The following ZNF771 variants were observed in gnomAD, a reference collection of about 807,000 sequenced individuals.
ZNF771 encodes the protein mesenchymal stem cell protein DSC43.
ZNF771 carries 10 observed loss-of-function variants against 27.6 expected under a neutral mutation model. That is an observed-to-expected ratio of 0.36 (90% CI 0.22 to 0.61). The LOEUF (loss-of-function observed/expected upper bound fraction) is 0.61, where lower values mean the gene tolerates loss of function less well. Ranked by LOEUF, ZNF771 falls within the 20% of genes least tolerant of loss-of-function variation. The probability of loss-of-function intolerance (pLI) is 0.70; values close to 1 mark genes in which losing one functional copy is unlikely to be tolerated. For missense variants in ZNF771, 438 were observed against 503.7 expected, an observed-to-expected ratio of 0.87 and a Z score of 1.25; for synonymous variants, 261 against 225.2, an observed-to-expected ratio of 1.16 and a Z score of -1.43.
At chr16:30,416,018 C>T (rs1317053921) in intron 2 of ZNF771, among the ~76,000 whole-genome samples, 1 of 152,192 alleles carries the variant, frequency 6.6e-6, no homozygotes, top group Non-Finnish European at 1.5e-5. Flanking sequence ...GAAACTGGCT[C>T]ATTTTCAGAT....
In ZNF771 at chr16:30,417,855, G is replaced by A; in HGVS notation, c.442G>A (p.Ala148Thr). The change falls in exon 3 of 3, where the codon GCA becomes ACA. Residue 148 changes from alanine to threonine, a missense_variant. Around this residue, in one of 3 missense-constraint regions of ZNF771, gnomAD observed 305 missense variants for 308.0 expected, o/e 0.99. Coordinates refer to ENST00000319296, the MANE Select transcript of ZNF771 (RefSeq NM_001142305.2). ...RRRHTGEKPY[A>T]CAHCGRRFAQ... is the part of the protein sequence containing the mutation. ...GCGGCACACGGGCGAGAAGCCGTAC[G>A]CATGCGCGCACTGCGGCCGCCGCTT... 1.5e-5 allele frequency: 22 copies of A among 1,502,286 alleles called. No individual in the cohort carries two copies. Among genetic ancestry groups the A allele is most frequent in the Non-Finnish European group, 1.9e-5 (22 of 1,134,818 alleles). 93.1% of individuals were successfully genotyped at this position (1,502,286 alleles called of 1,614,324 possible). A position where few individuals can be genotyped will look rare whatever the true frequency, so the allele number is the denominator to read the frequency against.
In ZNF771 at chr16:30,417,821, G is replaced by C; in HGVS notation, c.408G>C (p.Gln136His). 3 of 1,497,454 alleles carry C rather than the reference G, an allele frequency of 2.0e-6. No homozygotes were observed. The highest frequency in any genetic ancestry group is 2.7e-6 in the Non-Finnish European group (3 of 1,131,444). The allele number at this position is 1,497,454 out of a possible 1,614,324, so 92.8% of individuals were successfully genotyped here. A position where few individuals can be genotyped will look rare whatever the true frequency, so the allele number is the denominator to read the frequency against. Residue 136 changes from glutamine to histidine, a missense_variant, in exon 3 of 3, where the codon CAG becomes CAC. Gln to His is a conservative substitution (Grantham distance 24). Coordinates refer to ENST00000319296, the MANE Select transcript of ZNF771 (RefSeq NM_001142305.2). ...KRFSAASNLRQHRRRHTGEKP... is the reference protein window; with the variant it reads ...KRFSAASNLRHHRRRHTGEKP... ...TCTCGGCCGCCTCGAACCTGCGGCA[G>C]CACCGGCGGCGGCACACGGGCGAGA...
rs182969887 is a variant in ZNF771, at chr16:30,412,110, G to A, written c.141+3916G>A. ...CATGCCATTCTGGCTTCATCCCCTC[G>A]ACACCTATCCCATCCCCCCTTGTGG... On this transcript the variant is annotated intron_variant, in intron 2 of 2. Transcript: ENST00000319296. 1.1e-3 allele frequency among the ~76,000 whole-genome samples: 168 copies of A among 152,068 alleles called. 1 individual carries two copies. Among genetic ancestry groups the A allele is most frequent in the African/African-American group, 3.8e-3 (159 of 41,460 alleles).
In ZNF771 at chr16:30,407,993, G is replaced by T. The variant is rs1320142028; in HGVS notation, c.-9-52G>T. The T allele has an allele frequency of 2.3e-4, 211 of 903,000 alleles. 1 individual carries two copies. Among genetic ancestry groups the T allele is most frequent in the African/African-American group, 1.4e-3 (77 of 55,678 alleles). The allele number at this position is 903,000 out of a possible 1,614,324, so 55.9% of individuals were successfully genotyped here. A position where few individuals can be genotyped will look rare whatever the true frequency, so the allele number is the denominator to read the frequency against. ...GGGCCAGGGCCACGGTGGGCGGGGGGGGGGGTGGGGGGGGGCGGGTCCTGA... is the reference window on the plus strand; with the variant it reads ...GGGCCAGGGCCACGGTGGGCGGGGGTGGGGGTGGGGGGGGGCGGGTCCTGA... On this transcript the variant is annotated intron_variant, in intron 1 of 2. Coordinates refer to ENST00000319296, the MANE Select transcript of ZNF771 (RefSeq NM_001142305.2).
chr16:30,408,058 C>T lies in ZNF771; in HGVS notation c.5C>T (p.Pro2Leu). M[P>L]GEQQAEEEEE... ...TCCCCGCCTCAGGACACCAAGATGC[C>T]TGGCGAACAGCAGGCAGAGGAAGAG... The change falls in exon 2 of 3, where the codon CCT becomes CTT. Residue 2 changes from proline to leucine, a missense_variant. Coordinates refer to ENST00000319296, the MANE Select transcript of ZNF771 (RefSeq NM_001142305.2). The T allele has an allele frequency of 6.3e-7, 1 of 1,590,064 alleles. No homozygotes were observed.
At chr16:30,415,105 G>A (rs571463586) in intron 2 of ZNF771, among the ~76,000 whole-genome samples, 1 of 151,150 alleles carries the variant, frequency 6.6e-6, no homozygotes, top group Admixed American at 6.6e-5. Flanking sequence ...TTACAGGCAT[G>A]AGCCACCACA....
intron 2 of ZNF771, among the ~76,000 whole-genome samples, 176 bp downstream of exon 2, chr16:30,408,370 G>A (rs1426225484): frequency 6.6e-6 from 1 of 152,002 alleles, no homozygotes; most frequent in Non-Finnish European, 1.5e-5. Flanking sequence ...CAAAAGTCAC[G>A]CCTACTGTCC....
rs185683286 is a variant in ZNF771, at chr16:30,411,742, C to T, written c.141+3548C>T. ...TTAGCATCGTGCCCAGAAGGGTGCT[C>T]GATCGTTAGCTTGCTGTGGGCCTTC... On this transcript the variant is annotated intron_variant, in intron 2 of 2. Transcript: ENST00000319296. 6.1e-4 allele frequency among the ~76,000 whole-genome samples: 93 copies of T among 152,210 alleles called. 2 individuals are homozygous for T. The East Asian group carries it at 0.013, about 22-fold the overall frequency.
At chr16:30,413,551 T>A (rs1241519446) in intron 2 of ZNF771, 1 of 380,556 alleles carries the variant, frequency 2.6e-6, no homozygotes, top group East Asian at 8.3e-5. Context: ...TTATACCTCA[T>A]GCTGGGAAAT....
At chr16:30,416,589 C>CA (rs1406348562) in intron 2 of ZNF771, among the ~76,000 whole-genome samples, 14 of 152,320 alleles carry the variant, frequency 9.2e-5, no homozygotes, top group African/African-American at 3.1e-4. Flanking sequence ...ACTTCTGTCA[C>CA]CTGGGTATGA....
At chr16:30,411,874 A>G (rs2050105549) in intron 2 of ZNF771, among the ~76,000 whole-genome samples, 1 of 152,212 alleles carries the variant, frequency 6.6e-6, no homozygotes, top group East Asian at 1.9e-4. Context: ...GTCACTGTCC[A>G]GAAGGGCCTT....
intron 2 of ZNF771, among the ~76,000 whole-genome samples, chr16:30,410,856 CAAAAAAA>C (rs71149015): frequency 9.5e-4 from 26 of 27,398 alleles, no homozygotes; most frequent in East Asian, 3.4e-3. Context: ...CTCATCTCTA[CAAAAAAA>C]AAAAAAAAAA....
chr16:30,409,384 A>C (rs1224104189), intron 2 of ZNF771, among the ~76,000 whole-genome samples: 2 of 152,132 alleles, frequency 1.3e-5, no homozygotes, highest in Non-Finnish European at 2.9e-5. Context: ...TTGGCAGGCC[A>C]CACAGGGAGT....
intron 2 of ZNF771, among the ~76,000 whole-genome samples, chr16:30,412,055 T>G (rs2050107405): frequency 6.6e-6 from 1 of 152,168 alleles, no homozygotes; most frequent in African/African-American, 2.4e-5. Flanking sequence ...CTCCTAAACT[T>G]GGCATTCAAA....
In ZNF771 at chr16:30,407,991, G is replaced by GA. The variant is rs1369047307; in HGVS notation, c.-9-54_-9-53insA. 3.4e-5 allele frequency: 31 copies of GA among 919,112 alleles called. 1 individual carries two copies. Among genetic ancestry groups the GA allele is most frequent in the East Asian group, 1.9e-4 (5 of 26,062 alleles). The allele number at this position is 919,112 out of a possible 1,614,324, so 56.9% of individuals were successfully genotyped here. ...CTGGGCCAGGGCCACGGTGGGCGGG[G>GA]GGGGGGGTGGGGGGGGGCGGGTCCT... On this transcript the variant is annotated intron_variant, in intron 1 of 2. Transcript: ENST00000319296.
rs1597029046 is a variant in ZNF771 at position 30,408,134 on chromosome 16, G to A, written c.81G>A (p.Glu27=). The change falls in exon 2 of 3, where the codon GAG becomes GAA. Residue 27 remains glutamate (E), a synonymous_variant. Coordinates refer to ENST00000319296, the MANE Select transcript of ZNF771 (RefSeq NM_001142305.2). ...EEMVLLVKGE[E]DEGEEKYEVV... ...TGGTGCTGCTGGTGAAGGGTGAGGA[G>A]GATGAGGGTGAGGAGAAGTATGAGG... 4.3e-6 allele frequency: 7 copies of A among 1,612,218 alleles called. No individual in the cohort carries two copies. Among genetic ancestry groups the A allele is most frequent in the Non-Finnish European group, 5.9e-6 (7 of 1,178,414 alleles).
intron 1 of ZNF771, 110 bp downstream of exon 1, chr16:30,407,774 T>G: frequency 2.6e-5 from 6 of 231,976 alleles, no homozygotes; most frequent in Non-Finnish European, 5.2e-5. Context: ...AGCGCAAGGA[T>G]GGTGGCGACT....
rs1394102834 is a variant in ZNF771, at chr16:30,418,469, G to T, written c.*102G>T. ...TCCGGGTCTGGGAAATTGAGGGGAC[G>T]GCAGGCCCGGCTGCCCTGGAACTGG... On this transcript the variant is annotated 3_prime_UTR_variant, in exon 3 of 3. Transcript: ENST00000319296. 9 of 1,190,828 alleles carry T rather than the reference G, an allele frequency of 7.6e-6. No homozygotes were observed. Among genetic ancestry groups the T allele is most frequent in the East Asian group, 3.1e-5 (1 of 31,750 alleles). 73.8% of individuals were successfully genotyped at this position (1,190,828 alleles called of 1,614,324 possible). A position where few individuals can be genotyped will look rare whatever the true frequency, so the allele number is the denominator to read the frequency against.
chr16:30,407,999 T>TGGGG (rs1311250023), intron 1 of ZNF771, 46 bp from the exon 2 acceptor site: 1 of 391,336 alleles, frequency 2.6e-6, no homozygotes, highest in Non-Finnish European at 3.8e-6. Context: ...GGGGGGGGGG[T>TGGGG]GGGGGGGGGC....
Sources: allele counts gnomAD v4.1 joint callset (sites outside exome capture counted in the v4.1 genomes callset), GRCh38; gene constraint gnomAD v4.1.1; regional missense constraint gnomAD v4.1.1; transcripts MANE v1.5; gene names NCBI Gene and HGNC (gene_info 2026-07-23, HGNC 2026-07-21).